The following TYR variants were observed in gnomAD, a reference collection of about 807,000 sequenced individuals.
TYR encodes tyrosinase.
A neutral mutation model predicts 51.5 loss-of-function variants in TYR; 58 were observed. The observed-to-expected ratio is 1.13, with a 90% CI of 0.91 to 1.40. The LOEUF is 1.40. TYR is among the 40% of genes most tolerant of loss of function. The probability of loss-of-function intolerance (pLI) is 0.00; values close to 1 mark genes in which losing one functional copy is unlikely to be tolerated. For missense variants in TYR, 732 were observed against 647.4 expected, an observed-to-expected ratio of 1.13 and a Z score of -1.42; for synonymous variants, 263 against 235.2, an observed-to-expected ratio of 1.12 and a Z score of -1.08.
chr11:89,267,820 G>A (rs1262071534), intron 3 of TYR, among the ~76,000 whole-genome samples: 1 of 151,946 alleles, frequency 6.6e-6, no homozygotes, highest in African/African-American at 2.4e-5. Context: ...GTATGTGTGT[G>A]TGTGTGTGTG....
At chr11:89,190,971 G>T (rs958696591) in intron 1 of TYR, among the ~76,000 whole-genome samples, 1 of 152,116 alleles carries the variant, frequency 6.6e-6, no homozygotes. Context: ...ATGTTTAGTA[G>T]GCTATACCAT....
intron 2 of TYR, among the ~76,000 whole-genome samples, chr11:89,210,893 T>G (rs1943745340): frequency 6.6e-6 from 1 of 152,142 alleles, no homozygotes; most frequent in African/African-American, 2.4e-5. Flanking sequence ...AATAAAATCC[T>G]TTACAGACAA....
chr11:89,255,721 C>T (rs1248965467), intron 3 of TYR, among the ~76,000 whole-genome samples: 1 of 151,432 alleles, frequency 6.6e-6, no homozygotes, highest in East Asian at 1.9e-4. Context: ...ACTTCTTATC[C>T]TTTTGATATC....
chr11:89,182,469 G>A (rs1408692265), intron 1 of TYR, among the ~76,000 whole-genome samples: 1 of 152,116 alleles, frequency 6.6e-6, no homozygotes, highest in Non-Finnish European at 1.5e-5. Flanking sequence ...CCATATGTAT[G>A]TCTGCGTGTG....
intron 3 of TYR, among the ~76,000 whole-genome samples, chr11:89,281,498 A>T (rs899496502): frequency 1.3e-5 from 2 of 151,614 alleles, no homozygotes; most frequent in African/African-American, 4.8e-5. Context: ...CACTATCTTC[A>T]CTAGTCTAGA....
intron 1 of TYR, among the ~76,000 whole-genome samples, chr11:89,183,063 T>A (rs1334899576): frequency 6.6e-6 from 1 of 152,042 alleles, no homozygotes; most frequent in Non-Finnish European, 1.5e-5. Flanking sequence ...ATGAAAAAGA[T>A]TTTGTGGAAT....
In TYR at chr11:89,271,654, C is replaced by T. The variant is rs137865481; in HGVS notation, c.1185-13119C>T. ...TAAAACAAGAAAAAAATAGAGTTTG[C>T]TACATTGATTGACTCTTCCTTTCAA... On this transcript the variant is annotated intron_variant, in intron 3 of 4. Coordinates refer to ENST00000263321, the MANE Select transcript of TYR (RefSeq NM_000372.5). Among the ~76,000 whole-genome samples the T allele has an allele frequency of 5.5e-3, 832 of 151,888 alleles. 2 individuals carry two copies. Among genetic ancestry groups the T allele is most frequent in the African/African-American group, 0.019 (802 of 41,486 alleles).
intron 3 of TYR, among the ~76,000 whole-genome samples, chr11:89,243,201 T>G (rs1235386637): frequency 3.3e-5 from 5 of 152,348 alleles, no homozygotes; most frequent in Admixed American, 2.0e-4. Context: ...TTGATATAAA[T>G]GTTACAGGGT....
intron 3 of TYR, among the ~76,000 whole-genome samples, chr11:89,240,212 A>G (rs1944173785): frequency 1.3e-5 from 2 of 152,086 alleles, no homozygotes; most frequent in African/African-American, 4.8e-5. Context: ...CATAACAAAC[A>G]TGTACATCCT....
chr11:89,262,292 C>G (rs940665149), intron 3 of TYR, among the ~76,000 whole-genome samples: 4 of 152,174 alleles, frequency 2.6e-5, no homozygotes, highest in Admixed American at 2.6e-4. Context: ...CTCCTGACCT[C>G]AGGTGATCTG....
chr11:89,222,596 A>G (rs1158339019), intron 2 of TYR, among the ~76,000 whole-genome samples: 1 of 152,092 alleles, frequency 6.6e-6, no homozygotes, highest in Non-Finnish European at 1.5e-5. Context: ...AAAATTAGCC[A>G]GGCATGCTGG....
At chr11:89,212,367 C>CCCT (rs1397453119) in intron 2 of TYR, among the ~76,000 whole-genome samples, 2 of 152,060 alleles carry the variant, frequency 1.3e-5, no homozygotes. Flanking sequence ...AACACATACA[C>CCCT]CCTCCCAAGA....
intron 3 of TYR, 36 bp downstream of exon 3, chr11:89,228,006 T>A: frequency 6.2e-7 from 1 of 1,609,464 alleles, no homozygotes; most frequent in Non-Finnish European, 8.5e-7. Context: ...ACGTGCTCAT[T>A]GGATTTAAAT....
At chr11:89,230,249 C>A (rs535851610) in intron 3 of TYR, among the ~76,000 whole-genome samples, 2 of 152,204 alleles carry the variant, frequency 1.3e-5, no homozygotes, top group African/African-American at 4.8e-5. Flanking sequence ...ATTCAATTAA[C>A]TTTTGACAAA....
intron 3 of TYR, among the ~76,000 whole-genome samples, chr11:89,261,344 A>C (rs1289890415): frequency 1.1e-4 from 17 of 152,114 alleles, no homozygotes; most frequent in Non-Finnish European, 2.5e-4. Flanking sequence ...CTCACATTAG[A>C]TGCACAGATA....
At chr11:89,248,208 T>C (rs974202749) in intron 3 of TYR, among the ~76,000 whole-genome samples, 1 of 152,110 alleles carries the variant, frequency 6.6e-6, no homozygotes, top group African/African-American at 2.4e-5. Flanking sequence ...TAGCACACAA[T>C]TACTAGATAG....
intron 3 of TYR, among the ~76,000 whole-genome samples, chr11:89,265,494 G>A (rs965936177): frequency 3.9e-5 from 6 of 151,962 alleles, no homozygotes; most frequent in African/African-American, 1.4e-4. Flanking sequence ...TAATCACTTG[G>A]AGAAAATAGA....
chr11:89,215,184 G>C (rs1257346407), intron 2 of TYR, among the ~76,000 whole-genome samples: 3 of 152,108 alleles, frequency 2.0e-5, no homozygotes, highest in African/African-American at 4.8e-5. Flanking sequence ...ATTTTATAAA[G>C]AATTACTTGG....
intron 2 of TYR, among the ~76,000 whole-genome samples, chr11:89,216,687 T>C (rs1315221492): frequency 7.4e-6 from 1 of 134,530 alleles, no homozygotes; most frequent in African/African-American, 3.0e-5. Context: ...ACCCAAATAA[T>C]ATGCCTTTTA....
Sources: allele counts gnomAD v4.1 joint callset (sites outside exome capture counted in the v4.1 genomes callset), GRCh38; gene constraint gnomAD v4.1.1; transcripts MANE v1.5; gene names NCBI Gene and HGNC (gene_info 2026-07-23, HGNC 2026-07-21).